Variants in KIF16B observed in about 807,000 individuals in gnomAD.
KIF16B encodes kinesin-like protein KIF16B.
A neutral mutation model predicts 156.3 loss-of-function variants in KIF16B; 98 were observed. The ratio of observed to expected loss-of-function variants is 0.63; its 90% CI spans 0.53 to 0.74. The LOEUF is 0.74. KIF16B is among the 30% of genes least tolerant of loss of function. KIF16B has a pLI of 0.00. For missense variants in KIF16B, 1,421 were observed against 1,606.5 expected (o/e 0.88, Z 1.97); for synonymous variants, 564 against 583.7 (o/e 0.97, Z 0.49).
At chr20:16,349,696 T>C (rs1418964361) in intron 23 of KIF16B, among the ~76,000 whole-genome samples, 1 of 152,240 alleles carries the variant, frequency 6.6e-6, no homozygotes, top group East Asian at 1.9e-4. Context: ...CACGACTTTG[T>C]CAGTCCCTGG....
chr20:16,473,264 C>A (rs561085614), intron 12 of KIF16B, among the ~76,000 whole-genome samples: 2 of 152,164 alleles, frequency 1.3e-5, no homozygotes. Context: ...ATCTTAAAGG[C>A]TCTCCCAACT....
chr20:16,356,285 T>C (rs759225997), intron 23 of KIF16B, 45 bp downstream of exon 23: 18 of 1,611,890 alleles, frequency 1.1e-5, no homozygotes, highest in Non-Finnish European at 1.4e-5. Flanking sequence ...AAGCACTGCA[T>C]AGTCTCCAAC....
chr20:16,529,645 G>A (rs1452244539), intron 1 of KIF16B, among the ~76,000 whole-genome samples: 4 of 152,190 alleles, frequency 2.6e-5, no homozygotes, highest in African/African-American at 9.7e-5. Context: ...TAAGTTTGAT[G>A]AGGTTAAGTA....
intron 17 of KIF16B, among the ~76,000 whole-genome samples, chr20:16,387,841 C>T (rs527805342): frequency 4.9e-4 from 74 of 151,986 alleles, no homozygotes; most frequent in Non-Finnish European, 9.3e-4. Context: ...CCTCCTCAGG[C>T]GAAGCCTTCA....
At chr20:16,306,539 T>C (rs2063542943) in intron 25 of KIF16B, among the ~76,000 whole-genome samples, 1 of 152,186 alleles carries the variant, frequency 6.6e-6, no homozygotes, top group Non-Finnish European at 1.5e-5. Context: ...CAGCAAGAGT[T>C]CCGGTATCTT....
intron 24 of KIF16B, among the ~76,000 whole-genome samples, chr20:16,319,701 G>C (rs570314357): frequency 6.6e-6 from 1 of 152,322 alleles, no homozygotes; most frequent in South Asian, 2.1e-4. Context: ...AGGGGGGCCA[G>C]TCTTGAGGAA....
rs150639444 is a variant in KIF16B at position 16,518,354 on chromosome 20, C to T, written c.232-2690G>A. On this transcript the variant is annotated intron_variant, in intron 3 of 25. Coordinates refer to ENST00000354981, the MANE Select transcript of KIF16B (RefSeq NM_024704.5). ...TATGAGACTGACAACTGCTCTTCCCCGCTGGCATCAGAACCTGGCTGGCCT... is the reference window on the plus strand; with the variant it reads ...TATGAGACTGACAACTGCTCTTCCCTGCTGGCATCAGAACCTGGCTGGCCT... Among the ~76,000 whole-genome samples, 28 of 152,298 alleles carry T rather than the reference C, an allele frequency of 1.8e-4. No individual in the cohort carries two copies. The East Asian group carries it at 5.2e-3, about 28-fold the overall frequency.
chr20:16,551,606 T>A (rs10485558), intron 1 of KIF16B, among the ~76,000 whole-genome samples: 5,140 of 152,280 alleles, frequency 0.034, 126 homozygotes, highest in Middle Eastern at 0.075. Context: ...TAATAGCAGG[T>A]TCTTATCATT....
At chr20:16,478,438 G>A (rs766912406) in intron 12 of KIF16B, among the ~76,000 whole-genome samples, 13 of 152,224 alleles carry the variant, frequency 8.5e-5, no homozygotes, top group African/African-American at 2.4e-4. Context: ...CTTTATCCAC[G>A]GCTTTACTTT....
chr20:16,431,913 T>TACACACACACACACAC (rs74175693), intron 12 of KIF16B, among the ~76,000 whole-genome samples: 8,721 of 143,678 alleles, frequency 0.061, 392 homozygotes, highest in East Asian at 0.15. Flanking sequence ...TGTATACGTA[T>TACACACACACACACAC]ACACACACAC....
chr20:16,529,207 G>A (rs1295474177), intron 1 of KIF16B, among the ~76,000 whole-genome samples: 1 of 152,188 alleles, frequency 6.6e-6, no homozygotes, highest in Non-Finnish European at 1.5e-5. Context: ...TGAGGATAAG[G>A]ATTTGGGGCA....
rs1210772779 is a variant in KIF16B, at chr20:16,272,427, G to C, written c.*826C>G. The C allele has an allele frequency of 6.6e-6, 1 of 152,526 alleles. No individual in the cohort carries two copies. Among genetic ancestry groups the C allele is most frequent in the African/African-American group, 2.4e-5 (1 of 41,436 alleles). 9.4% of individuals were successfully genotyped at this position (152,526 alleles called of 1,614,324 possible). A position where few individuals can be genotyped will look rare whatever the true frequency, so the allele number is the denominator to read the frequency against. The stretch of plus-strand genomic sequence containing the variant: ...TAGTTTTCCAGCCAAAGATCCAATA[G>C]ATTCTGTAACAAAAAATGTGAATAA... On this transcript the variant is annotated 3_prime_UTR_variant, in exon 26 of 26. Coordinates refer to ENST00000354981, the MANE Select transcript of KIF16B (RefSeq NM_024704.5).
chr20:16,493,534 C>T (rs1177907259), intron 12 of KIF16B, among the ~76,000 whole-genome samples: 1 of 152,190 alleles, frequency 6.6e-6, no homozygotes, highest in African/African-American at 2.4e-5. Flanking sequence ...TTTACCTCAA[C>T]AGATGTCAAA....
intron 16 of KIF16B, 91 bp from the exon 17 acceptor site, chr20:16,404,992 T>C: frequency 2.4e-6 from 2 of 848,094 alleles, no homozygotes; most frequent in Non-Finnish European, 3.9e-6. Flanking sequence ...TGAGAGACAA[T>C]GAGGTGCACA....
At chr20:16,447,129 A>T (rs548852126) in intron 12 of KIF16B, among the ~76,000 whole-genome samples, 1 of 152,216 alleles carries the variant, frequency 6.6e-6, no homozygotes, top group African/African-American at 2.4e-5. Context: ...AGTTTAATAC[A>T]TCTCTTCAGG....
intron 22 of KIF16B, among the ~76,000 whole-genome samples, chr20:16,362,078 C>T (rs2064562670): frequency 6.6e-6 from 1 of 152,190 alleles, no homozygotes; most frequent in Non-Finnish European, 1.5e-5. Context: ...CACTATTAAG[C>T]ATGAATGCAG....
chr20:16,443,161 T>C (rs1010969693), intron 12 of KIF16B, among the ~76,000 whole-genome samples: 3 of 152,080 alleles, frequency 2.0e-5, no homozygotes, highest in Non-Finnish European at 4.4e-5. Flanking sequence ...CTGCTTTTTA[T>C]GGAGAAGAGA....
chr20:16,553,533 C>A (rs1477487010), intron 1 of KIF16B, among the ~76,000 whole-genome samples: 3 of 152,158 alleles, frequency 2.0e-5, no homozygotes, highest in Non-Finnish European at 4.4e-5. Context: ...CTACTGTTCA[C>A]CAGCTAAGCC....
chr20:16,384,647 G>A (rs2065185357), intron 17 of KIF16B, among the ~76,000 whole-genome samples: 1 of 152,136 alleles, frequency 6.6e-6, no homozygotes, highest in South Asian at 2.1e-4. Context: ...GGGTGGGGGA[G>A]CAATATGAGA....
Sources: gnomAD v4.1 joint callset for allele counts (sites outside exome capture counted in the v4.1 genomes callset) on GRCh38, gnomAD v4.1.1 for gene constraint, MANE v1.5 for transcripts, NCBI Gene and HGNC (gene_info 2026-07-23, HGNC 2026-07-21) for gene names.